The following ITPR2 variants were observed in gnomAD, a reference collection of about 807,000 sequenced individuals.
The protein encoded by ITPR2 is inositol 1,4,5-trisphosphate-gated calcium channel ITPR2.
ITPR2 carries 207 observed loss-of-function variants against 317.1 expected under a neutral mutation model. The ratio of observed to expected loss-of-function variants is 0.65; its 90% CI spans 0.58 to 0.73. ITPR2 has a LOEUF of 0.73. ITPR2 is among the 30% of genes least tolerant of loss of function. The probability of loss-of-function intolerance (pLI) is 0.00; values close to 1 mark genes in which losing one functional copy is unlikely to be tolerated. For synonymous variants in ITPR2, 1,156 were observed against 1,149.1 expected, an observed-to-expected ratio of 1.01 and a Z score of -0.12; for missense variants, 2,613 against 3,284.0, an observed-to-expected ratio of 0.80 and a Z score of 4.99.
intron 18 of ITPR2, 34 bp downstream of exon 18, chr12:26,657,673 G>A (rs1437435427): frequency 6.4e-7 from 1 of 1,574,580 alleles, no homozygotes. Context: ...ATGTGAGACT[G>A]GGAATTATTG....
chr12:26,387,773 C>T (rs1449828203), intron 54 of ITPR2, among the ~76,000 whole-genome samples, 179 bp from the exon 55 acceptor site: 2 of 152,294 alleles, frequency 1.3e-5, no homozygotes, highest in East Asian at 1.9e-4. Context: ...AAGAGGCCAT[C>T]GTTTATAGAT....
At chr12:26,599,441 AT>A in intron 29 of ITPR2, 96 bp from the exon 30 acceptor site, 1 of 1,080,016 alleles carries the variant, frequency 9.3e-7, no homozygotes, top group Non-Finnish European at 1.4e-6. Flanking sequence ...TCAGTTTTAT[AT>A]TTTATACGAA....
chr12:26,427,744 C>A (rs1941103614), intron 49 of ITPR2, among the ~76,000 whole-genome samples, 169 bp downstream of exon 49: 1 of 151,954 alleles, frequency 6.6e-6, no homozygotes, highest in Non-Finnish European at 1.5e-5. Flanking sequence ...TTTTTTCTTT[C>A]ACTCAAAATT....
chr12:26,729,334 G>T (rs2137058053), intron 2 of ITPR2, among the ~76,000 whole-genome samples: 1 of 152,298 alleles, frequency 6.6e-6, no homozygotes, highest in Admixed American at 6.5e-5. Flanking sequence ...AGGTTATGAA[G>T]AAAAATTAAC....
intron 34 of ITPR2, among the ~76,000 whole-genome samples, chr12:26,572,239 T>C (rs749885779): frequency 3.3e-5 from 5 of 152,186 alleles, no homozygotes; most frequent in Non-Finnish European, 4.4e-5. Context: ...CAAAGTTTTA[T>C]GGGAGGCCAT....
chr12:26,815,471 A>G (rs1482043294), intron 1 of ITPR2, among the ~76,000 whole-genome samples: 3 of 152,220 alleles, frequency 2.0e-5, no homozygotes, highest in African/African-American at 2.4e-5. Flanking sequence ...TTCTATTACT[A>G]TGTTCTAATC....
intron 45 of ITPR2, among the ~76,000 whole-genome samples, chr12:26,453,478 C>A (rs1941792298): frequency 6.6e-6 from 1 of 152,146 alleles, no homozygotes; most frequent in South Asian, 2.1e-4. Flanking sequence ...ATCTAAAACA[C>A]AGATAGACAT....
At chr12:26,566,243 A>G in intron 34 of ITPR2, among the ~76,000 whole-genome samples, 1 of 103,802 alleles carries the variant, frequency 9.6e-6, no homozygotes, top group Non-Finnish European at 1.9e-5. Context: ...AGGAAAGAGG[A>G]GAGGTGAGAG....
chr12:26,670,088 CCTGCCT>C (rs1266488675), intron 13 of ITPR2, among the ~76,000 whole-genome samples: 1 of 152,254 alleles, frequency 6.6e-6, no homozygotes, highest in Non-Finnish European at 1.5e-5. Flanking sequence ...AGGAGGCCTG[CCTGCCT>C]CTGTAGGCTC....
chr12:26,635,348 T>C (rs1280677216), intron 21 of ITPR2, among the ~76,000 whole-genome samples: 1 of 152,264 alleles, frequency 6.6e-6, no homozygotes, highest in Non-Finnish European at 1.5e-5. Context: ...TTTAAAGTTA[T>C]ATTTATTCTC....
intron 2 of ITPR2, among the ~76,000 whole-genome samples, chr12:26,764,060 T>C (rs1248278857): frequency 6.6e-6 from 1 of 152,014 alleles, no homozygotes; most frequent in African/African-American, 2.4e-5. Flanking sequence ...CATAAAAATA[T>C]CAACAGATCT....
At chr12:26,639,779 G>A (rs964845559) in intron 21 of ITPR2, among the ~76,000 whole-genome samples, 33 of 151,828 alleles carry the variant, frequency 2.2e-4, no homozygotes, top group Middle Eastern at 3.2e-3. Flanking sequence ...CTTCATCCAT[G>A]TCCCTACAAA....
intron 13 of ITPR2, among the ~76,000 whole-genome samples, chr12:26,669,990 T>TG (rs1947719985): frequency 6.6e-6 from 1 of 152,134 alleles, no homozygotes; most frequent in African/African-American, 2.4e-5. Flanking sequence ...GCAGCGAGGC[T>TG]GGGGGAGGGG....
chr12:26,740,831 G>A (rs1263427797), intron 2 of ITPR2, among the ~76,000 whole-genome samples: 8 of 152,200 alleles, frequency 5.3e-5, no homozygotes, highest in African/African-American at 1.9e-4. Flanking sequence ...CCTACTGGAT[G>A]AAGCCCAAAT....
intron 37 of ITPR2, among the ~76,000 whole-genome samples, chr12:26,544,799 G>T (rs1325527035): frequency 2.6e-5 from 4 of 152,114 alleles, no homozygotes; most frequent in Non-Finnish European, 4.4e-5. Context: ...TCCTGGGAAT[G>T]CTTCAATACA....
chr12:26,451,138 A>C (rs1009878407), intron 45 of ITPR2, among the ~76,000 whole-genome samples: 2 of 152,170 alleles, frequency 1.3e-5, no homozygotes, highest in Admixed American at 1.3e-4. Context: ...GTTTTTGAGA[A>C]TCTAAAGAGA....
intron 55 of ITPR2, among the ~76,000 whole-genome samples, chr12:26,349,029 T>A (rs1938396965): frequency 6.6e-6 from 1 of 152,128 alleles, no homozygotes; most frequent in Non-Finnish European, 1.5e-5. Context: ...ACACCTATAG[T>A]CCAAGCTACT....
rs994085974 is a variant in ITPR2, at chr12:26,481,115, A to G, written c.6123+16T>C. 36 of 1,465,492 alleles carry G rather than the reference A, an allele frequency of 2.5e-5. No individual in the cohort carries two copies. The highest frequency in any genetic ancestry group is 3.3e-5 in the Non-Finnish European group (35 of 1,045,242). 90.8% of individuals were successfully genotyped at this position (1,465,492 alleles called of 1,614,324 possible). On this transcript the variant is annotated intron_variant, in intron 43 of 56. Transcript: ENST00000381340. ...AGACTGTAGCTTTTCTGGCCTGAAC[A>G]GTGGAATCGCTCTACCTTTAGCTGG... is the stretch of plus-strand genomic sequence containing the variant.
intron 54 of ITPR2, among the ~76,000 whole-genome samples, chr12:26,390,942 C>T (rs1175219143): frequency 2.6e-5 from 4 of 152,010 alleles, no homozygotes; most frequent in Admixed American, 1.3e-4. Flanking sequence ...ATCTGTAATA[C>T]GGTAGAGGAA....
Sources: gnomAD v4.1 joint callset for allele counts (sites outside exome capture counted in the v4.1 genomes callset) on GRCh38, gnomAD v4.1.1 for gene constraint, MANE v1.5 for transcripts, NCBI Gene and HGNC (gene_info 2026-07-23, HGNC 2026-07-21) for gene names.